CDH20: variants seen among roughly 807,000 people sequenced by gnomAD.
CDH20 encodes cadherin 20.
In CDH20, 29 loss-of-function variants were observed where a neutral mutation model predicts 74.2. The observed-to-expected ratio is 0.39, with a 90% CI of 0.29 to 0.53. The LOEUF (loss-of-function observed/expected upper bound fraction) is 0.53, where lower values mean the gene tolerates loss of function less well. Ranked by LOEUF, CDH20 falls within the 20% of genes least tolerant of loss-of-function variation. The pLI is 0.69. For missense variants in CDH20, 988 were observed against 1,048.3 expected, an observed-to-expected ratio of 0.94 and a Z score of 0.79; for synonymous variants, 469 against 405.4, an observed-to-expected ratio of 1.16 and a Z score of -1.88.
At chr18:61,490,827 G>T (rs750086457) in intron 2 of CDH20, 28 bp downstream of exon 2, 3 of 1,608,432 alleles carry the variant, frequency 1.9e-6, no homozygotes, top group Non-Finnish European at 2.6e-6. Flanking sequence ...GAAATGACCC[G>T]GGTATTGGAT....
In CDH20 at chr18:61,499,346, C is replaced by G. The variant is rs1350781371; in HGVS notation, c.407C>G (p.Ala136Gly). The change falls in exon 3 of 12, where the codon GCC becomes GGC. Residue 136 changes from alanine (A) to glycine (G), a missense_variant. Around this residue, in one of 2 missense-constraint regions of CDH20, gnomAD observed 613 missense variants for 755.2 expected, o/e 0.81. Transcript: ENST00000262717. ...ERAQYTLRAQ[A>G]LDRRTGRPME... Reference sequence around the variant, plus strand: ...GCCCAGTATACTCTAAGGGCTCAAGCCCTAGACAGGCGGACGGGCAGGCCA... The same window carrying G: ...GCCCAGTATACTCTAAGGGCTCAAGGCCTAGACAGGCGGACGGGCAGGCCA... 6.2e-7 allele frequency: 1 copy of G among 1,614,048 alleles called. No homozygotes were observed. The highest frequency in any genetic ancestry group is 1.1e-5 in the South Asian group (1 of 91,050).
At chr18:61,538,618 TTGTTTTG>T (rs533787731) in intron 8 of CDH20, among the ~76,000 whole-genome samples, 1,404 of 58,246 alleles carry the variant, frequency 0.024, 211 homozygotes, top group African/African-American at 0.075. Flanking sequence ...GTTTTTGTTT[TTGTTTTG>T]TTTTTTTTTT....
chr18:61,472,841 G>GAACAC (rs1910232877), intron 1 of CDH20, among the ~76,000 whole-genome samples: 2 of 152,194 alleles, frequency 1.3e-5, no homozygotes, highest in Non-Finnish European at 2.9e-5. Context: ...GTGGAACATG[G>GAACAC]TTATTAAGCA....
chr18:61,504,613 A>G (rs1176039266), intron 5 of CDH20, among the ~76,000 whole-genome samples: 1 of 152,090 alleles, frequency 6.6e-6, no homozygotes, highest in Middle Eastern at 3.2e-3. Flanking sequence ...AAGTTTGAGA[A>G]GCAGATGCCT....
At chr18:61,368,728 A>G (rs1396822804) in intron 1 of CDH20, among the ~76,000 whole-genome samples, 2 of 152,056 alleles carry the variant, frequency 1.3e-5, no homozygotes, top group South Asian at 2.1e-4. Flanking sequence ...ATAAAAAATC[A>G]CTTTCAAAGA....
In CDH20 at chr18:61,490,385, T is replaced by G. The variant is rs1228134535; in HGVS notation, c.-152-17T>G. On this transcript the variant is annotated splice_polypyrimidine_tract_variant and intron_variant, in intron 1 of 11. Transcript: ENST00000262717. The stretch of plus-strand genomic sequence containing the variant: ...AGAATCTGACATCATCACACTGTGT[T>G]TTCCTTAACTTGACAGGAAGTCAAC... The G allele has an allele frequency of 1.5e-6, 1 of 651,700 alleles. No individual in the cohort carries two copies. Among genetic ancestry groups the G allele is most frequent in the Non-Finnish European group, 2.6e-6 (1 of 382,750 alleles). The allele number at this position is 651,700 out of a possible 1,614,324, so 40.4% of individuals were successfully genotyped here.
At chr18:61,389,080 A>T (rs1346281570) in intron 1 of CDH20, among the ~76,000 whole-genome samples, 1 of 152,098 alleles carries the variant, frequency 6.6e-6, no homozygotes, top group African/African-American at 2.4e-5. Context: ...CAGGGTTGAG[A>T]CAGGCTCAAG....
At chr18:61,409,276 C>T (rs369744541) in intron 1 of CDH20, among the ~76,000 whole-genome samples, 6 of 152,090 alleles carry the variant, frequency 3.9e-5, no homozygotes, top group African/African-American at 1.4e-4. Context: ...GCTTCTGTGC[C>T]CCCACCCCGC....
intron 1 of CDH20, among the ~76,000 whole-genome samples, chr18:61,459,227 T>C (rs1909684642): frequency 6.6e-6 from 1 of 152,218 alleles, no homozygotes; most frequent in South Asian, 2.1e-4. Flanking sequence ...GGACACTCTA[T>C]CACCTCTGGT....
At chr18:61,469,826 C>T (rs1910100456) in intron 1 of CDH20, among the ~76,000 whole-genome samples, 1 of 152,240 alleles carries the variant, frequency 6.6e-6, no homozygotes, top group African/African-American at 2.4e-5. Context: ...CACATACATA[C>T]ACACATGCTT....
intron 10 of CDH20, among the ~76,000 whole-genome samples, chr18:61,547,598 T>C (rs1408137906): frequency 6.6e-6 from 1 of 152,222 alleles, no homozygotes; most frequent in Non-Finnish European, 1.5e-5. Flanking sequence ...CCTCTGATTC[T>C]TATTGTCCCA....
chr18:61,406,460 G>A (rs1420263407), intron 1 of CDH20, among the ~76,000 whole-genome samples: 1 of 152,208 alleles, frequency 6.6e-6, no homozygotes, highest in African/African-American at 2.4e-5. Flanking sequence ...AGACAGATGG[G>A]GTGAGACTGG....
At chr18:61,546,705 T>G (rs1913263568) in intron 10 of CDH20, among the ~76,000 whole-genome samples, 1 of 152,226 alleles carries the variant, frequency 6.6e-6, no homozygotes, top group African/African-American at 2.4e-5. Flanking sequence ...TAAAGAGGAC[T>G]TTGGGCACCA....
At chr18:61,434,217 T>C (rs960583622) in intron 1 of CDH20, among the ~76,000 whole-genome samples, 2 of 152,150 alleles carry the variant, frequency 1.3e-5, no homozygotes, top group African/African-American at 2.4e-5. Flanking sequence ...TGTCAGTTAA[T>C]TGGCCCATTT....
intron 1 of CDH20, among the ~76,000 whole-genome samples, chr18:61,457,047 A>T (rs1045118625): frequency 7.9e-5 from 12 of 152,170 alleles, no homozygotes; most frequent in African/African-American, 2.9e-4. Flanking sequence ...GCATGAATGC[A>T]TTTCTGGTAG....
intron 3 of CDH20, among the ~76,000 whole-genome samples, chr18:61,499,753 T>G (rs1911297959): frequency 6.6e-6 from 1 of 152,172 alleles, no homozygotes; most frequent in Non-Finnish European, 1.5e-5. Flanking sequence ...AACAAAATAT[T>G]AGCTAGACAG....
At chr18:61,499,851 T>C (rs1001877671) in intron 3 of CDH20, among the ~76,000 whole-genome samples, 5 of 151,980 alleles carry the variant, frequency 3.3e-5, no homozygotes, top group Non-Finnish European at 2.9e-5. Flanking sequence ...TCCTAGAACT[T>C]TGGGAGGCTG....
intron 1 of CDH20, among the ~76,000 whole-genome samples, chr18:61,364,684 T>A (rs376640149): frequency 6.6e-6 from 1 of 152,144 alleles, no homozygotes; most frequent in Non-Finnish European, 1.5e-5. Context: ...CACCACCTGC[T>A]CTCCTGCCAT....
At chr18:61,339,241 A>G (rs1909855910) in intron 1 of CDH20, among the ~76,000 whole-genome samples, 1 of 152,144 alleles carries the variant, frequency 6.6e-6, no homozygotes, top group Non-Finnish European at 1.5e-5. Flanking sequence ...TCTTTATAAA[A>G]AAAGTGGTAT....
Sources: gnomAD v4.1 joint callset for allele counts (sites outside exome capture counted in the v4.1 genomes callset) on GRCh38, gnomAD v4.1.1 for gene constraint, gnomAD v4.1.1 regional missense constraint, MANE v1.5 for transcripts, NCBI Gene and HGNC (gene_info 2026-07-23, HGNC 2026-07-21) for gene names.